The following PCDH9 variants were observed in gnomAD, a reference collection of about 807,000 sequenced individuals.
PCDH9 encodes protocadherin-9.
In PCDH9, 24 loss-of-function variants were observed where a neutral mutation model predicts 70.6. The ratio of observed to expected loss-of-function variants is 0.34; its 90% CI spans 0.25 to 0.48. The LOEUF is 0.48. Among genes scored for constraint, PCDH9 ranks in the 20% least tolerant of loss-of-function variants. PCDH9 has a pLI of 0.99. For synonymous variants in PCDH9, 562 were observed against 558.5 expected, an observed-to-expected ratio of 1.01 and a Z score of -0.09; for missense variants, 1,281 against 1,503.6, an observed-to-expected ratio of 0.85 and a Z score of 2.45.
In PCDH9 at chr13:66,600,670, G is replaced by A. The variant is rs1317046055; in HGVS notation, c.3340+30540C>T. ...TTATTAACAGTAATTATGGATATTG[G>A]CATGGATGTCAACATCACAGTTTAT... is the stretch of plus-strand genomic sequence containing the variant. On this transcript the variant is annotated intron_variant, in intron 4 of 4. Transcript: ENST00000377865. Among the ~76,000 whole-genome samples the A allele has an allele frequency of 2.7e-5, 3 of 113,168 alleles. 1 individual carries two copies. The highest frequency in any genetic ancestry group is 4.3e-5 in the Non-Finnish European group (2 of 46,176). The allele number at this position is 113,168 out of a possible 152,430, so 74.2% of individuals were successfully genotyped here.
intron 2 of PCDH9, among the ~76,000 whole-genome samples, chr13:67,159,740 A>G (rs1005024459): frequency 6.6e-6 from 1 of 152,178 alleles, no homozygotes; most frequent in African/African-American, 2.4e-5. Flanking sequence ...TTATTCAGTA[A>G]TTGACTAAAA....
At chr13:66,519,433 G>C (rs1413284320) in intron 4 of PCDH9, among the ~76,000 whole-genome samples, 1 of 152,094 alleles carries the variant, frequency 6.6e-6, no homozygotes, top group African/African-American at 2.4e-5. Context: ...CAACGGAAGA[G>C]GCAGACGAGC....
intron 4 of PCDH9, among the ~76,000 whole-genome samples, chr13:66,402,124 A>T (rs1957198912): frequency 6.6e-6 from 1 of 151,986 alleles, no homozygotes; most frequent in Non-Finnish European, 1.5e-5. Context: ...CCCCTTTCTC[A>T]CAGATGGCTT....
intron 4 of PCDH9, among the ~76,000 whole-genome samples, chr13:66,495,726 T>C (rs922841518): frequency 6.6e-5 from 10 of 152,206 alleles, no homozygotes; most frequent in African/African-American, 2.2e-4. Flanking sequence ...GCTGCATTTC[T>C]GCCTGTCATC....
intron 4 of PCDH9, among the ~76,000 whole-genome samples, chr13:66,558,925 C>T (rs2138698784): frequency 6.6e-6 from 1 of 152,244 alleles, no homozygotes; most frequent in South Asian, 2.1e-4. Context: ...AAGAATTCGT[C>T]AATGAAGTGA....
At chr13:66,960,799 A>T (rs188720618) in intron 2 of PCDH9, among the ~76,000 whole-genome samples, 13 of 152,152 alleles carry the variant, frequency 8.5e-5, no homozygotes, top group Admixed American at 5.9e-4. Flanking sequence ...TGTTAGTAAC[A>T]CTCAATCAGC....
chr13:66,631,865 A>T lies in PCDH9; in HGVS notation c.3139-454T>A, dbSNP rs540574885. On this transcript the variant is annotated intron_variant, in intron 3 of 4. Coordinates refer to ENST00000377865, the MANE Select transcript of PCDH9 (RefSeq NM_203487.3). ...TTAGGGTAACATTTGTAGTCAACAT[A>T]TTTCCTACAGTACCACCTCCTTTTT... 3.3e-4 allele frequency among the ~76,000 whole-genome samples: 50 copies of T among 152,270 alleles called. 1 individual carries two copies. Among genetic ancestry groups the T allele is most frequent in the African/African-American group, 1.2e-3 (50 of 41,566 alleles).
At position 67,125,841 on chromosome 13, in the gene PCDH9, A is replaced by G. The variant is rs201358412; in HGVS notation, c.3036+99564T>C. Among the ~76,000 whole-genome samples, 597 of 150,166 alleles carry G rather than the reference A, an allele frequency of 4.0e-3. 5 individuals carry two copies. The highest frequency in any genetic ancestry group is 0.014 in the African/African-American group (556 of 40,896). On this transcript the variant is annotated intron_variant, in intron 2 of 4. Transcript: ENST00000377865. ...AATTTAAAAATGTGTGTATATATAT[A>G]TGTGTGTGTGTGTGTGTGTGTATGT...
At chr13:66,335,570 T>A (rs1482649420) in intron 4 of PCDH9, among the ~76,000 whole-genome samples, 1 of 152,150 alleles carries the variant, frequency 6.6e-6, no homozygotes, top group Non-Finnish European at 1.5e-5. Context: ...TTTTTATTCT[T>A]ATTTTGGCAA....
At chr13:66,511,666 T>C (rs1276496397) in intron 4 of PCDH9, among the ~76,000 whole-genome samples, 1 of 152,098 alleles carries the variant, frequency 6.6e-6, no homozygotes, top group African/African-American at 2.4e-5. Flanking sequence ...TCAGGAATAT[T>C]TTAGTACCTT....
At chr13:66,705,662 A>T (rs1423335163) in intron 3 of PCDH9, among the ~76,000 whole-genome samples, 1 of 152,212 alleles carries the variant, frequency 6.6e-6, no homozygotes, top group Non-Finnish European at 1.5e-5. Context: ...AAGTGATAAA[A>T]TCTAAAATGC....
intron 3 of PCDH9, among the ~76,000 whole-genome samples, chr13:66,794,817 G>A (rs1251509461): frequency 6.6e-6 from 1 of 151,800 alleles, no homozygotes; most frequent in African/African-American, 2.4e-5. Flanking sequence ...TACCATTTTT[G>A]GTTCCCTTTT....
chr13:66,964,594 A>G (rs1378736589), intron 2 of PCDH9, among the ~76,000 whole-genome samples: 1 of 151,934 alleles, frequency 6.6e-6, no homozygotes, highest in Non-Finnish European at 1.5e-5. Context: ...CATCTATGAA[A>G]TGCTTTCCTG....
intron 3 of PCDH9, among the ~76,000 whole-genome samples, chr13:66,849,120 T>C (rs1289047451): frequency 6.6e-6 from 1 of 152,088 alleles, no homozygotes; most frequent in Non-Finnish European, 1.5e-5. Flanking sequence ...AATAATTGGG[T>C]ATCCAAAGAT....
chr13:66,610,463 C>T (rs1334126599), intron 4 of PCDH9, among the ~76,000 whole-genome samples: 2 of 152,074 alleles, frequency 1.3e-5, no homozygotes, highest in Admixed American at 6.6e-5. Context: ...ACCAAAAAGC[C>T]TTCTGATTGT....
intron 2 of PCDH9, among the ~76,000 whole-genome samples, chr13:67,024,004 G>C (rs575437072): frequency 6.6e-6 from 1 of 152,098 alleles, no homozygotes; most frequent in Admixed American, 6.6e-5. Context: ...GGAAGATGAA[G>C]AGGAGAAATA....
chr13:66,944,527 C>G (rs1370257307), intron 2 of PCDH9, among the ~76,000 whole-genome samples: 2 of 152,104 alleles, frequency 1.3e-5, no homozygotes, highest in East Asian at 3.9e-4. Context: ...TAAGCTCTTA[C>G]CTGAGCTAAG....
chr13:66,925,491 AGT>A (rs1029339497), intron 2 of PCDH9, among the ~76,000 whole-genome samples: 1 of 151,934 alleles, frequency 6.6e-6, no homozygotes, highest in Non-Finnish European at 1.5e-5. Flanking sequence ...AGAATATAAA[AGT>A]GTGTTTTTCT....
Position 66,398,793 on chromosome 13 carries a change from T to A in PCDH9, c.3341-93765A>T, listed in dbSNP as rs571837713. ...TTTCATCTACTGAACACAACAAAATTTATAAGAAAACAAAACAAATATCAA... is the reference window on the plus strand; with the variant it reads ...TTTCATCTACTGAACACAACAAAATATATAAGAAAACAAAACAAATATCAA... On this transcript the variant is annotated intron_variant, in intron 4 of 4. Transcript: ENST00000377865. 5.9e-5 allele frequency among the ~76,000 whole-genome samples: 9 copies of A among 152,264 alleles called. No individual in the cohort carries two copies. In the South Asian group the frequency reaches 1.0e-3, roughly 18 times the overall value.
Sources: gnomAD v4.1 joint callset for allele counts (sites outside exome capture counted in the v4.1 genomes callset) on GRCh38, gnomAD v4.1.1 for gene constraint, MANE v1.5 for transcripts, NCBI Gene and HGNC (gene_info 2026-07-23, HGNC 2026-07-21) for gene names.